The following RAB28 variants were observed in gnomAD, a reference collection of about 807,000 sequenced individuals.
The protein encoded by RAB28 is RAB28, member RAS oncogene family.
Under a neutral mutation model 31.7 loss-of-function variants are expected in RAB28, and 24 were observed. The observed-to-expected ratio is 0.76, with a 90% confidence interval of 0.55 to 1.06. The LOEUF is 1.06. Ranked by LOEUF, RAB28 falls within the 50% of genes least tolerant of loss-of-function variation. The pLI, the probability that RAB28 is intolerant of heterozygous loss-of-function variation, is 0.00. For synonymous variants in RAB28, 100 were observed against 90.4 expected, an observed-to-expected ratio of 1.11 and a Z score of -0.60; for missense variants, 254 against 258.5, an observed-to-expected ratio of 0.98 and a Z score of 0.12.
At chr4:13,450,602 G>A (rs1446040441) in intron 4 of RAB28, among the ~76,000 whole-genome samples, 1 of 151,914 alleles carries the variant, frequency 6.6e-6, no homozygotes, top group Admixed American at 6.6e-5. Flanking sequence ...GAGATCCTTA[G>A]CTTTCAGAGT....
intron 4 of RAB28, among the ~76,000 whole-genome samples, chr4:13,404,837 T>A (rs1418151984): frequency 6.6e-6 from 1 of 152,118 alleles, no homozygotes; most frequent in African/African-American, 2.4e-5. Flanking sequence ...ATTCAGTTAA[T>A]ATCTTTTAAC....
intron 4 of RAB28, among the ~76,000 whole-genome samples, chr4:13,397,563 A>G (rs969807045): frequency 1.3e-5 from 2 of 152,206 alleles, no homozygotes; most frequent in African/African-American, 4.8e-5. Context: ...TACTAAAATT[A>G]TAACAATATG....
At chr4:13,384,355 T>C (rs1213825610) in intron 4 of RAB28, among the ~76,000 whole-genome samples, 3 of 152,166 alleles carry the variant, frequency 2.0e-5, no homozygotes, top group African/African-American at 7.2e-5. Flanking sequence ...CTGCAGTTGA[T>C]GAGTGTGTAC....
At chr4:13,376,522 A>C in intron 6 of RAB28, 23 bp downstream of exon 6, 1 of 1,540,894 alleles carries the variant, frequency 6.5e-7, no homozygotes, top group Non-Finnish European at 8.8e-7. Flanking sequence ...TAATTTTTTA[A>C]ATATAAAGTT....
chr4:13,437,041 C>T (rs191455015), intron 4 of RAB28, among the ~76,000 whole-genome samples: 154 of 152,180 alleles, frequency 1.0e-3, no homozygotes, highest in African/African-American at 3.5e-3. Context: ...AAATAGAGAA[C>T]CCAGAAATAA....
chr4:13,394,749 T>C (rs1388975155), intron 4 of RAB28, among the ~76,000 whole-genome samples: 2 of 152,134 alleles, frequency 1.3e-5, no homozygotes, highest in South Asian at 2.1e-4. Context: ...TGGAAAACCA[T>C]TGTAAGGTTG....
chr4:13,440,422 TCTA>T (rs372464041), intron 4 of RAB28, among the ~76,000 whole-genome samples: 124 of 152,254 alleles, frequency 8.1e-4, no homozygotes, highest in African/African-American at 2.7e-3. Context: ...TGTATTTGAT[TCTA>T]CTATTATCAA....
At chr4:13,461,708 G>C (rs1040471901) in intron 3 of RAB28, among the ~76,000 whole-genome samples, 5 of 152,228 alleles carry the variant, frequency 3.3e-5, no homozygotes, top group Middle Eastern at 3.4e-3. Flanking sequence ...TATGCACACA[G>C]AAATAACTAC....
intron 4 of RAB28, among the ~76,000 whole-genome samples, chr4:13,423,601 T>G (rs1713302694): frequency 1.3e-5 from 2 of 152,186 alleles, no homozygotes; most frequent in Non-Finnish European, 1.5e-5. Flanking sequence ...TACTCATTCA[T>G]TAGGTATTGT....
intron 6 of RAB28, chr4:13,371,967 G>C: frequency 8.4e-7 from 1 of 1,185,678 alleles, no homozygotes; most frequent in South Asian, 1.3e-5. Context: ...GGCAGCCATG[G>C]AGGGCATAAG....
intron 3 of RAB28, among the ~76,000 whole-genome samples, chr4:13,467,907 A>G (rs1196070227): frequency 6.6e-6 from 1 of 151,998 alleles, no homozygotes; most frequent in Non-Finnish European, 1.5e-5. Flanking sequence ...TAAAGACACA[A>G]ACAGGTTAAT....
chr4:13,465,939 T>C (rs1408618310), intron 3 of RAB28, among the ~76,000 whole-genome samples: 2 of 151,834 alleles, frequency 1.3e-5, no homozygotes, highest in Non-Finnish European at 2.9e-5. Flanking sequence ...TCAATTGATT[T>C]TTCAACAACA....
chr4:13,457,059 C>G (rs927300972), intron 4 of RAB28, among the ~76,000 whole-genome samples: 1 of 152,196 alleles, frequency 6.6e-6, no homozygotes, highest in Non-Finnish European at 1.5e-5. Flanking sequence ...AGTATTTCCA[C>G]AGCCTACACA....
intron 3 of RAB28, among the ~76,000 whole-genome samples, chr4:13,461,288 T>C (rs1437553251): frequency 1.3e-5 from 2 of 152,218 alleles, no homozygotes; most frequent in Admixed American, 6.5e-5. Flanking sequence ...TGATAGACAA[T>C]TTAAGTGTTT....
At chr4:13,479,558 A>C (rs182642316) in intron 1 of RAB28, 32 bp from the exon 2 acceptor site, 2 of 1,346,846 alleles carry the variant, frequency 1.5e-6, no homozygotes, top group African/African-American at 1.5e-5. Context: ...TGTCAAAATT[A>C]ATTCATTAAA....
intron 4 of RAB28, among the ~76,000 whole-genome samples, chr4:13,399,776 G>A (rs796157119): frequency 2.0e-5 from 3 of 151,672 alleles, no homozygotes; most frequent in African/African-American, 7.3e-5. Flanking sequence ...TTGTAGATTT[G>A]AAAAAGTATA....
At chr4:13,390,150 C>A (rs529617965) in intron 4 of RAB28, among the ~76,000 whole-genome samples, 9 of 151,984 alleles carry the variant, frequency 5.9e-5, no homozygotes, top group African/African-American at 1.9e-4. Flanking sequence ...TTGTATATTT[C>A]GAAAACCCCA....
chr4:13,404,417 T>G (rs1395201984), intron 4 of RAB28, among the ~76,000 whole-genome samples: 2 of 152,200 alleles, frequency 1.3e-5, no homozygotes, highest in East Asian at 3.9e-4. Context: ...TGGATCTACT[T>G]AAGGAAAAGT....
rs191573399 is a variant in RAB28 at position 13,416,963 on chromosome 4, G to A, written c.392-35369C>T. ...CTTCACCCAGGAAACACAAGGGGTC[G>A]GGGGATTTCCCTTTCCTAGCCAAGG... On this transcript the variant is annotated intron_variant, in intron 4 of 6. Coordinates refer to ENST00000330852, the MANE Select transcript of RAB28 (RefSeq NM_001017979.3). Among the ~76,000 whole-genome samples the A allele has an allele frequency of 7.3e-3, 1,116 of 152,306 alleles. 13 individuals carry two copies. The highest frequency in any genetic ancestry group is 0.024 in the African/African-American group (1,003 of 41,576).
Sources: gnomAD v4.1 joint callset for allele counts (sites outside exome capture counted in the v4.1 genomes callset) on GRCh38, gnomAD v4.1.1 for gene constraint, MANE v1.5 for transcripts, NCBI Gene and HGNC (gene_info 2026-07-23, HGNC 2026-07-21) for gene names.